C16orf96: variants seen among roughly 807,000 people sequenced by gnomAD.
C16orf96 encodes chromosome 16 open reading frame 96.
In C16orf96, 108 loss-of-function variants were observed where a neutral mutation model predicts 103.6. The ratio of observed to expected loss-of-function variants is 1.04; its 90% CI spans 0.89 to 1.22. The LOEUF (loss-of-function observed/expected upper bound fraction) is 1.22, where lower values mean the gene tolerates loss of function less well. Ranked by LOEUF, C16orf96 falls within the 50% of genes most tolerant of loss-of-function variation. The pLI is 0.00. For synonymous variants in C16orf96, 566 were observed against 593.5 expected (o/e 0.95, Z 0.67); for missense variants, 1,586 against 1,464.2 (o/e 1.08, Z -1.36).
chr16:4,560,492 G>GCA (rs1567437659), intron 1 of C16orf96: 4 of 151,968 alleles, frequency 2.6e-5, no homozygotes, highest in Admixed American at 6.6e-5. Context: ...GAGCCACTAA[G>GCA]CCCGGCCAAT....
At chr16:4,578,401 C>T (rs2141727262) in intron 5 of C16orf96, among the ~76,000 whole-genome samples, 1 of 152,072 alleles carries the variant, frequency 6.6e-6, no homozygotes, top group South Asian at 2.1e-4. Context: ...CCTCGGCCTC[C>T]CACAGTGTTG....
At position 4,593,142 on chromosome 16, in the gene C16orf96, C is replaced by A; in HGVS notation, c.2775-82C>A. 1 of 1,338,550 alleles carries A rather than the reference C, an allele frequency of 7.5e-7. No homozygotes were observed. Among genetic ancestry groups the A allele is most frequent in the Non-Finnish European group, 1.0e-6 (1 of 957,904 alleles). 82.9% of individuals were successfully genotyped at this position (1,338,550 alleles called of 1,614,324 possible). A position where few individuals can be genotyped will look rare whatever the true frequency, so the allele number is the denominator to read the frequency against. The stretch of plus-strand genomic sequence containing the variant: ...CACCTCCTTCCTCCTGCTGGGAAGG[C>A]TTCCTGGAGGGGTGGGAGACGAGCC... On this transcript the variant is annotated intron_variant, in intron 11 of 15. Coordinates refer to ENST00000444310, the MANE Select transcript of C16orf96 (RefSeq NM_001145011.2). The surrounding 1 kb of genome is among the most constrained non-coding windows in gnomAD (Gnocchi z 4.2).
intron 5 of C16orf96, among the ~76,000 whole-genome samples, chr16:4,578,690 G>A (rs1330623873): frequency 6.6e-6 from 1 of 152,002 alleles, no homozygotes; most frequent in Non-Finnish European, 1.5e-5. Context: ...CCCAGGAGGC[G>A]GAAGTTGTAG....
intron 14 of C16orf96, among the ~76,000 whole-genome samples, chr16:4,596,172 C>T (rs1431972099): frequency 6.6e-6 from 1 of 152,140 alleles, no homozygotes; most frequent in African/African-American, 2.4e-5. Context: ...GAAGTTCCTT[C>T]ATTCCCCGGC....
intron 1 of C16orf96, chr16:4,563,036 T>TCATCTTCTGA: frequency 2.1e-6 from 2 of 936,000 alleles, no homozygotes; most frequent in Non-Finnish European, 3.4e-6. Context: ...TGCTCCTCTG[T>TCATCTTCTGA]CAGAAGATGA....
intron 7 of C16orf96, among the ~76,000 whole-genome samples, chr16:4,580,674 C>G (rs2059574073): frequency 6.6e-6 from 1 of 151,810 alleles, no homozygotes; most frequent in South Asian, 2.1e-4. Context: ...CAGGGAGACC[C>G]CATCTCTACA....
the C16orf96 span, among the ~76,000 whole-genome samples, chr16:4,549,222 C>T: frequency 3.9e-4 from 59 of 152,142 alleles, no homozygotes; most frequent in Non-Finnish European, 7.5e-4. Context: ...CGCCTGTAAT[C>T]CCAGCACTTT....
rs1015361066 is a variant in C16orf96, at chr16:4,576,126, C to T, written c.1646C>T (p.Pro549Leu). The T allele has an allele frequency of 8.4e-6, 13 of 1,551,412 alleles. No individual in the cohort carries two copies. The African/African-American group carries it at 1.6e-4, about 20-fold the overall frequency. ...PKDRVGKDGA[P>L]KEAQPKAPQS... Reference sequence around the variant, plus strand: ...GATAGAGTTGGCAAGGATGGGGCCCCCAAGGAAGCACAGCCTAAGGCTCCC... The same window carrying T: ...GATAGAGTTGGCAAGGATGGGGCCCTCAAGGAAGCACAGCCTAAGGCTCCC... Residue 549 changes from proline (P) to leucine (L), a missense_variant, in exon 5 of 16, where the codon CCC (proline) becomes CTC (leucine). By Grantham distance (98) the Pro-to-Leu change is moderately conservative (BLOSUM62 -3). Transcript: ENST00000444310.
In C16orf96 at chr16:4,556,667, A is replaced by G. The variant is rs780536335; in HGVS notation, c.178A>G (p.Ile60Val). The G allele has an allele frequency of 1.8e-5, 28 of 1,551,428 alleles. No homozygotes were observed. In the South Asian group the frequency reaches 3.2e-4, roughly 18 times the overall value. ...CTTCCTGCAGACCTCGCAGGTGGTC[A>G]TCATGCCCAGGGAAGGAGACGCCCA... ...EDFLQTSQVV[I>V]MPREGDAQPI... The change falls in exon 1 of 16, where the codon ATC becomes GTC. Residue 60 changes from isoleucine (I) to valine (V), a missense_variant. Coordinates refer to ENST00000444310, the MANE Select transcript of C16orf96 (RefSeq NM_001145011.2).
intron 1 of C16orf96, among the ~76,000 whole-genome samples, chr16:4,558,464 A>C (rs2059291408): frequency 1.3e-5 from 2 of 151,908 alleles, no homozygotes; most frequent in Non-Finnish European, 2.9e-5. Flanking sequence ...AAAATGAATA[A>C]ATTAGCCGGG....
At chr16:4,566,991 CTCT>C in intron 1 of C16orf96, among the ~76,000 whole-genome samples, 1 of 151,672 alleles carries the variant, frequency 6.6e-6, no homozygotes, top group East Asian at 1.9e-4. Context: ...TTTTTTTATC[CTCT>C]ATTTCATTAA....
upstream of C16orf96, among the ~76,000 whole-genome samples, chr16:4,553,507 T>G (rs1056804740): frequency 6.6e-6 from 1 of 151,906 alleles, no homozygotes; most frequent in African/African-American, 2.4e-5. Context: ...CCAGCTAATT[T>G]TGGTATATTT....
intron 2 of C16orf96, among the ~76,000 whole-genome samples, chr16:4,573,478 CAT>C (rs1567444271): frequency 1.4e-5 from 2 of 142,604 alleles, no homozygotes; most frequent in African/African-American, 5.2e-5. Flanking sequence ...GGTGGGGCGG[CAT>C]GGTGGTTCAC....
chr16:4,556,113 C>T (rs956505668), upstream of C16orf96, among the ~76,000 whole-genome samples: 1 of 152,152 alleles, frequency 6.6e-6, no homozygotes, highest in African/African-American at 2.4e-5. Context: ...CCTCTCCATC[C>T]CTTCCATATG....
chr16:4,562,880 TA>T lies in C16orf96; in HGVS notation c.420+5974del, dbSNP rs2059346842. ...TCAGCTGGCTCCATTGTTCTGGATTTAAAGAAATACCTTTTCTTCCTGGTTT... is the reference window on the plus strand; with the variant it reads ...TCAGCTGGCTCCATTGTTCTGGATTTAAGAAATACCTTTTCTTCCTGGTTT... On this transcript the variant is annotated intron_variant, in intron 1 of 15. Coordinates refer to ENST00000444310, the MANE Select transcript of C16orf96 (RefSeq NM_001145011.2). 3.6e-6 allele frequency: 5 copies of T among 1,406,330 alleles called. No homozygotes were observed. In the African/African-American group the frequency reaches 7.1e-5, roughly 20 times the overall value. The allele number at this position is 1,406,330 out of a possible 1,614,324, so 87.1% of individuals were successfully genotyped here.
In C16orf96 at chr16:4,593,487, G is replaced by C. The variant is rs1461056763; in HGVS notation, c.2867+171G>C. Among the ~76,000 whole-genome samples, 1 of 151,218 alleles carries C rather than the reference G, an allele frequency of 6.6e-6. No homozygotes were observed. Among genetic ancestry groups the C allele is most frequent in the African/African-American group, 2.4e-5 (1 of 41,106 alleles). ...ACTCCGAGAGGTGGCTGGGGCGGCA[G>C]ACAGGCCCACGAGATGATGGCGGAG... On this transcript the variant is annotated intron_variant, in intron 12 of 15. Transcript: ENST00000444310. The surrounding 1 kb of genome is among the most constrained non-coding windows in gnomAD (Gnocchi z 4.2).
chr16:4,588,541 G>A (rs916379958), intron 9 of C16orf96, among the ~76,000 whole-genome samples: 2 of 152,100 alleles, frequency 1.3e-5, no homozygotes, highest in African/African-American at 4.8e-5. Context: ...GAGGCTGGAT[G>A]AGCCAATTCA....
At chr16:4,564,530 G>T (rs1364715106) in intron 1 of C16orf96, among the ~76,000 whole-genome samples, 1 of 152,192 alleles carries the variant, frequency 6.6e-6, no homozygotes, top group Non-Finnish European at 1.5e-5. Context: ...GATTTTTAAG[G>T]CTGGGCGTGG....
At chr16:4,546,691 C>T in the C16orf96 span, among the ~76,000 whole-genome samples, 23 of 151,818 alleles carry the variant, frequency 1.5e-4, no homozygotes, top group Admixed American at 1.5e-3. Flanking sequence ...GCCTCAAACT[C>T]CTGGGCTCAA....
Sources: gnomAD v4.1 joint callset for allele counts (sites outside exome capture counted in the v4.1 genomes callset) on GRCh38, gnomAD v4.1.1 for gene constraint, Gnocchi (gnomAD v3.1) non-coding constraint, MANE v1.5 for transcripts, NCBI Gene and HGNC (gene_info 2026-07-23, HGNC 2026-07-21) for gene names.